Variants in KCNQ1 observed in about 807,000 individuals in gnomAD.
KCNQ1 encodes potassium voltage-gated channel subfamily Q member 1, also known as potassium voltage-gated channel subfamily KQT member 1.
In KCNQ1, 49 loss-of-function variants were observed where a neutral mutation model predicts 72.4. The ratio of observed to expected loss-of-function variants is 0.68; its 90% confidence interval spans 0.54 to 0.86. KCNQ1 has a LOEUF of 0.86. KCNQ1 is among the 40% of genes least tolerant of loss of function. The pLI, the probability that KCNQ1 is intolerant of heterozygous loss-of-function variation, is 0.00. For missense variants in KCNQ1, 790 were observed against 945.1 expected (o/e 0.84, Z 2.15); for synonymous variants, 450 against 412.6 (o/e 1.09, Z -1.10).
intron 10 of KCNQ1, chr11:2,638,607 A>G (rs1018647229): frequency 6.6e-6 from 1 of 151,850 alleles, no homozygotes; most frequent in Non-Finnish European, 1.5e-5. Context: ...TGCCCTTAAC[A>G]TTTTTTCCTT....
At chr11:2,597,423 C>T (rs928607366) in intron 10 of KCNQ1, among the ~76,000 whole-genome samples, 1 of 152,036 alleles carries the variant, frequency 6.6e-6, no homozygotes, top group South Asian at 2.1e-4. Context: ...TGCAAACCAC[C>T]GACATACCCA....
At chr11:2,581,073 T>G (rs1848491774) in intron 6 of KCNQ1, among the ~76,000 whole-genome samples, 1 of 152,064 alleles carries the variant, frequency 6.6e-6, no homozygotes, top group African/African-American at 2.4e-5. Flanking sequence ...AAGGGGTGAG[T>G]GTCCCCCCAA....
rs543340524 is a variant in KCNQ1, at chr11:2,647,397, G to A, written c.1394-14564G>A. 4 of 398,564 alleles carry A rather than the reference G, an allele frequency of 1.0e-5. No homozygotes were observed. Among genetic ancestry groups the A allele is most frequent in the African/African-American group, 2.1e-5 (1 of 48,752 alleles). 24.7% of individuals were successfully genotyped at this position (398,564 alleles called of 1,614,324 possible). On this transcript the variant is annotated intron_variant, in intron 10 of 15. Coordinates refer to ENST00000155840, the MANE Select transcript of KCNQ1 (RefSeq NM_000218.3). This position sits in a 1 kb window ranked among gnomAD's most constrained non-coding sequence, Gnocchi z 4.0. ...ATTGCTAGTTTGTGTGTCTGTGTGT[G>A]TGTTTTGTTTCTGAGGATTCTGCAT...
At chr11:2,505,673 G>A (rs1229434210) in intron 1 of KCNQ1, among the ~76,000 whole-genome samples, 1 of 152,100 alleles carries the variant, frequency 6.6e-6, no homozygotes, top group African/African-American at 2.4e-5. Context: ...GTTTATAATG[G>A]TTATCTGTAA....
In KCNQ1 at chr11:2,742,546, G is replaced by A. The variant is rs562662118; in HGVS notation, c.1515-26298G>A. On this transcript the variant is annotated intron_variant, in intron 11 of 15. Transcript: ENST00000155840. ...CCTGGGCTCCCCCCGGCCCTTTCTC[G>A]GGGCAGTTTACACTTTGCAGCTGAA... Among the ~76,000 whole-genome samples the A allele has an allele frequency of 4.3e-4, 65 of 152,338 alleles. No homozygotes were observed. In the East Asian group the frequency reaches 0.011, roughly 25 times the overall value.
chr11:2,539,724 C>G (rs1047271443), intron 2 of KCNQ1, among the ~76,000 whole-genome samples: 1 of 152,216 alleles, frequency 6.6e-6, no homozygotes, highest in African/African-American at 2.4e-5. Context: ...GTGGGGGGTG[C>G]GCCTGCTGCA....
rs1363276573 is a variant in KCNQ1, at chr11:2,723,965, A to G, written c.1515-44879A>G. Among the ~76,000 whole-genome samples the G allele has an allele frequency of 6.6e-6, 1 of 151,608 alleles. No individual in the cohort carries two copies. On this transcript the variant is annotated intron_variant, in intron 11 of 15. Transcript: ENST00000155840. The surrounding 1 kb of genome is among the most constrained non-coding windows in gnomAD (Gnocchi z 4.2). Reference sequence around the variant, plus strand: ...ATCTGCCGTGGGCGTGGAGGCATTTACTCTTTTCACCGGGGGAGCAGAAAT... The same window carrying G: ...ATCTGCCGTGGGCGTGGAGGCATTTGCTCTTTTCACCGGGGGAGCAGAAAT...
rs1849089077 is a variant in KCNQ1 at position 2,617,646 on chromosome 11, T to A, written c.1393+28792T>A. On this transcript the variant is annotated intron_variant, in intron 10 of 15. Coordinates refer to ENST00000155840, the MANE Select transcript of KCNQ1 (RefSeq NM_000218.3). The surrounding 1 kb of genome is among the most constrained non-coding windows in gnomAD (Gnocchi z 4.6). ...TCTTTAGGAGCCACCATTCTGTTTT[T>A]CATTATGACTGCACCAATCTACAGT... is the stretch of plus-strand genomic sequence containing the variant. The A allele has an allele frequency of 7.5e-6, 3 of 398,310 alleles. No individual in the cohort carries two copies. In the Admixed American group the frequency reaches 1.3e-4, roughly 18 times the overall value. The allele number at this position is 398,310 out of a possible 1,614,324, so 24.7% of individuals were successfully genotyped here. A position where few individuals can be genotyped will look rare whatever the true frequency, so the allele number is the denominator to read the frequency against.
chr11:2,823,950 T>C (rs1847788845), intron 15 of KCNQ1, among the ~76,000 whole-genome samples: 1 of 152,184 alleles, frequency 6.6e-6, no homozygotes, highest in Admixed American at 6.5e-5. Context: ...AGAAACCATG[T>C]GGCCAGCATG....
Position 2,445,254 on chromosome 11 carries a change from G to T in KCNQ1, c.156G>T (p.Ala52=). ...EGGPAGGALY[A]PIAPGAPGPA... Reference sequence around the variant, plus strand: ...GCCCGGCGGGCGGCGCGCTCTACGCGCCCATCGCGCCCGGCGCCCCAGGTC... The same window carrying T: ...GCCCGGCGGGCGGCGCGCTCTACGCTCCCATCGCGCCCGGCGCCCCAGGTC... The change falls in exon 1 of 16, where the codon GCG becomes GCT. Residue 52 remains alanine, a synonymous_variant. Transcript: ENST00000155840. 2 of 1,202,558 alleles carry T rather than the reference G, an allele frequency of 1.7e-6. No individual in the cohort carries two copies. Among genetic ancestry groups the T allele is most frequent in the Non-Finnish European group, 1.0e-6 (1 of 973,164 alleles). The allele number at this position is 1,202,558 out of a possible 1,614,324, so 74.5% of individuals were successfully genotyped here. A position where few individuals can be genotyped will look rare whatever the true frequency, so the allele number is the denominator to read the frequency against.
Position 2,598,298 on chromosome 11 carries a change from C to A in KCNQ1, c.1393+9444C>A, listed in dbSNP as rs1485737429. On this transcript the variant is annotated intron_variant, in intron 10 of 15. Coordinates refer to ENST00000155840, the MANE Select transcript of KCNQ1 (RefSeq NM_000218.3). This position sits in a 1 kb window ranked among gnomAD's most constrained non-coding sequence, Gnocchi z 6.2. ...TGTTTTGATTTTTCTCTTTAGAGTT[C>A]TTTTAATGTCTTCTTAATTTTTAAG... is the stretch of plus-strand genomic sequence containing the variant. 1.3e-5 allele frequency among the ~76,000 whole-genome samples: 2 copies of A among 152,040 alleles called. No homozygotes were observed. Among genetic ancestry groups the A allele is most frequent in the East Asian group, 1.9e-4 (1 of 5,198 alleles).
At position 2,543,551 on chromosome 11, in the gene KCNQ1, G is replaced by A. The variant is rs570311133; in HGVS notation, c.477+15533G>A. ...GGCCTCCCAAAGCGCTGGAATTACA[G>A]GTGTGAGCCACTGCTCCAGGCCCAA... On this transcript the variant is annotated intron_variant, in intron 2 of 15. Coordinates refer to ENST00000155840, the MANE Select transcript of KCNQ1 (RefSeq NM_000218.3). The surrounding 1 kb of genome is among the most constrained non-coding windows in gnomAD (Gnocchi z 5.6). Among the ~76,000 whole-genome samples, 284 of 152,290 alleles carry A rather than the reference G, an allele frequency of 1.9e-3. No individual in the cohort carries two copies. The highest frequency in any genetic ancestry group is 6.6e-3 in the African/African-American group (275 of 41,556).
At chr11:2,466,363 C>T (rs1846351891) in intron 1 of KCNQ1, among the ~76,000 whole-genome samples, 1 of 152,154 alleles carries the variant, frequency 6.6e-6, no homozygotes, top group Non-Finnish European at 1.5e-5. Flanking sequence ...GGTTTGTCCC[C>T]TACTTTGCAG....
At chr11:2,790,012 T>C (rs1846988696) in intron 15 of KCNQ1, among the ~76,000 whole-genome samples, 1 of 152,150 alleles carries the variant, frequency 6.6e-6, no homozygotes. Context: ...AGGGCACTTG[T>C]CAGCTGCAGA....
intron 10 of KCNQ1, chr11:2,634,382 A>G (rs1451900342): frequency 2.0e-5 from 4 of 201,720 alleles, no homozygotes; most frequent in African/African-American, 3.0e-5. Flanking sequence ...CCTACGTCCA[A>G]GTGTTCTCAT....
rs961130193 is a variant in KCNQ1, at chr11:2,647,982, G to A, written c.1394-13979G>A. The A allele has an allele frequency of 5.5e-5, 22 of 397,662 alleles. No homozygotes were observed. The highest frequency in any genetic ancestry group is 4.5e-4 in the African/African-American group (22 of 48,418). 24.6% of individuals were successfully genotyped at this position (397,662 alleles called of 1,614,324 possible). A position where few individuals can be genotyped will look rare whatever the true frequency, so the allele number is the denominator to read the frequency against. Reference sequence around the variant, plus strand: ...TAAACCCAGTACTTTGGAAGGCCAAGGCAGGCCGATCGCTTGAGTCCAGGA... The same window carrying A: ...TAAACCCAGTACTTTGGAAGGCCAAAGCAGGCCGATCGCTTGAGTCCAGGA... On this transcript the variant is annotated intron_variant, in intron 10 of 15. Coordinates refer to ENST00000155840, the MANE Select transcript of KCNQ1 (RefSeq NM_000218.3). This position sits in a 1 kb window ranked among gnomAD's most constrained non-coding sequence, Gnocchi z 4.0.
Position 2,718,015 on chromosome 11 carries a change from C to CTTGTT in KCNQ1, c.1515-50818_1515-50814dup, listed in dbSNP as rs1851125017. ...AGCTGCGTCTGTCGCAGAAGTGAACCTTGTTTTGTTTTGTTGATGGGTGTA... is the reference window on the plus strand; with the variant it reads ...AGCTGCGTCTGTCGCAGAAGTGAACCTTGTTTTGTTTTGTTTTGTTGATGGGTGTA... On this transcript the variant is annotated intron_variant, in intron 11 of 15. Transcript: ENST00000155840. 3.3e-5 allele frequency among the ~76,000 whole-genome samples: 5 copies of CTTGTT among 152,338 alleles called. No homozygotes were observed. The South Asian group carries it at 6.2e-4, about 19-fold the overall frequency.
chr11:2,624,489 C>A lies in KCNQ1; in HGVS notation c.1393+35635C>A. 2.5e-6 allele frequency: 1 copy of A among 398,480 alleles called. No individual in the cohort carries two copies. Among genetic ancestry groups the A allele is most frequent in the Non-Finnish European group, 4.4e-6 (1 of 226,028 alleles). 24.7% of individuals were successfully genotyped at this position (398,480 alleles called of 1,614,324 possible). On this transcript the variant is annotated intron_variant, in intron 10 of 15. Coordinates refer to ENST00000155840, the MANE Select transcript of KCNQ1 (RefSeq NM_000218.3). The surrounding 1 kb of genome is among the most constrained non-coding windows in gnomAD (Gnocchi z 4.9). Reference sequence around the variant, plus strand: ...TGGTGTCATATCTAAAAAGCCATCACCAAACTAAAGATCATCTAGATTTCT... The same window carrying A: ...TGGTGTCATATCTAAAAAGCCATCAACAAACTAAAGATCATCTAGATTTCT...
rs1443863471 is a variant in KCNQ1, at chr11:2,664,390, G to T, written c.1514+2309G>T. On this transcript the variant is annotated intron_variant, in intron 11 of 15. Transcript: ENST00000155840. The surrounding 1 kb of genome is among the most constrained non-coding windows in gnomAD (Gnocchi z 5.1). ...GTCAGGGTACGGTCCCTCCAGAGAG[G>T]CCTGAAGGGGAGAGTGGGCACGTAC... 7.5e-6 allele frequency: 3 copies of T among 398,680 alleles called. No homozygotes were observed. The highest frequency in any genetic ancestry group is 2.1e-5 in the African/African-American group (1 of 48,638). 24.7% of individuals were successfully genotyped at this position (398,680 alleles called of 1,614,324 possible).
Sources: allele counts gnomAD v4.1 joint callset (sites outside exome capture counted in the v4.1 genomes callset), GRCh38; gene constraint gnomAD v4.1.1; non-coding constraint Gnocchi (gnomAD v3.1); transcripts MANE v1.5; gene names NCBI Gene and HGNC (gene_info 2026-07-23, HGNC 2026-07-21).